The following MTA3 variants were observed in gnomAD, a reference collection of about 807,000 sequenced individuals.
The protein encoded by MTA3 is metastasis associated 1 family member 3.
A neutral mutation model predicts 83.5 loss-of-function variants in MTA3; 34 were observed. That is an observed-to-expected ratio of 0.41 (90% CI 0.31 to 0.54). The LOEUF is 0.54. MTA3 is among the 20% of genes least tolerant of loss of function. The probability of loss-of-function intolerance (pLI) is 0.33; values close to 1 mark genes in which losing one functional copy is unlikely to be tolerated. For missense variants in MTA3, 761 were observed against 726.4 expected (o/e 1.05, Z -0.55); for synonymous variants, 303 against 252.7 (o/e 1.20, Z -1.89).
At chr2:42,753,175 G>A (rs990252012) in intron 16 of MTA3, among the ~76,000 whole-genome samples, 199 bp from the exon 17 acceptor site, 7 of 151,910 alleles carry the variant, frequency 4.6e-5, no homozygotes, top group African/African-American at 1.2e-4. Context: ...GCCATCCACC[G>A]GCCTTGGCCT....
At chr2:42,650,463 G>A (rs984608220) in intron 6 of MTA3, among the ~76,000 whole-genome samples, 6 of 151,462 alleles carry the variant, frequency 4.0e-5, no homozygotes, top group Admixed American at 6.6e-5. Flanking sequence ...TTTTTGAGAC[G>A]GAGTCTTACT....
intron 4 of MTA3, among the ~76,000 whole-genome samples, chr2:42,612,951 A>C (rs1684405845): frequency 6.6e-6 from 1 of 152,220 alleles, no homozygotes; most frequent in Non-Finnish European, 1.5e-5. Context: ...AAATGGTTTT[A>C]AAAATGTATC....
At chr2:42,508,737 T>C (rs757305610) in intron 2 of MTA3, among the ~76,000 whole-genome samples, 17 of 147,198 alleles carry the variant, frequency 1.2e-4, no homozygotes, top group Non-Finnish European at 2.1e-4. Context: ...ATGTTGTATA[T>C]ATTTATAATA....
intron 16 of MTA3, among the ~76,000 whole-genome samples, chr2:42,751,071 G>C (rs1020984050): frequency 6.6e-6 from 1 of 152,126 alleles, no homozygotes; most frequent in Admixed American, 6.6e-5. Flanking sequence ...CTGCTTTCCA[G>C]CTTCTAAAAT....
At chr2:42,533,084 T>A in intron 2 of MTA3, 2 of 126,994 alleles carry the variant, frequency 1.6e-5, no homozygotes, top group South Asian at 5.1e-4. Context: ...TGGGGCATTC[T>A]TTTTTTTTTT....
chr2:42,620,119 C>CTT (rs765658192), intron 4 of MTA3, among the ~76,000 whole-genome samples: 184 of 134,870 alleles, frequency 1.4e-3, no homozygotes, highest in African/African-American at 4.3e-3. Context: ...CATCACACAT[C>CTT]TTTTTTTTTT....
chr2:42,675,513 C>G (rs1018230336), intron 8 of MTA3, among the ~76,000 whole-genome samples: 1 of 152,138 alleles, frequency 6.6e-6, no homozygotes, highest in African/African-American at 2.4e-5. Flanking sequence ...TGTTACACAG[C>G]TTAAACATTT....
At chr2:42,700,126 G>T (rs1240959720) in intron 11 of MTA3, among the ~76,000 whole-genome samples, 1 of 152,002 alleles carries the variant, frequency 6.6e-6, no homozygotes, top group African/African-American at 2.4e-5. Flanking sequence ...TATTGGCATG[G>T]TGAGCACTGC....
intron 16 of MTA3, among the ~76,000 whole-genome samples, chr2:42,744,269 T>A (rs1309973659): frequency 6.6e-6 from 1 of 152,198 alleles, no homozygotes; most frequent in Non-Finnish European, 1.5e-5. Context: ...CTTAGTGTTT[T>A]AGAATATTCT....
rs763023060 is a variant in MTA3 at position 42,574,134 on chromosome 2, C to CT, written c.96+3645dup. Among the ~76,000 whole-genome samples, 769 of 137,972 alleles carry CT rather than the reference C, an allele frequency of 5.6e-3. 8 individuals are homozygous for CT. Among genetic ancestry groups the CT allele is most frequent in the South Asian group, 0.02 (86 of 4,284 alleles). 90.5% of individuals were successfully genotyped at this position (137,972 alleles called of 152,430 possible). A position where few individuals can be genotyped will look rare whatever the true frequency, so the allele number is the denominator to read the frequency against. ...TACAGGTGTGAGCCACCGCGCCCGG[C>CT]TTTTTTTTTTTTTTTCTGAGGCGGA... On this transcript the variant is annotated intron_variant, in intron 2 of 16. Coordinates refer to ENST00000405094, the MANE Select transcript of MTA3 (RefSeq NM_001330442.2).
At chr2:42,697,132 A>T (rs373969868) in intron 10 of MTA3, among the ~76,000 whole-genome samples, 2 of 152,050 alleles carry the variant, frequency 1.3e-5, no homozygotes, top group Non-Finnish European at 2.9e-5. Flanking sequence ...TTACTTCTCT[A>T]TTTGCCTGCA....
At chr2:42,579,062 C>G (rs1434807022) in intron 2 of MTA3, 45 bp from the exon 3 acceptor site, 12 of 1,295,364 alleles carry the variant, frequency 9.3e-6, no homozygotes, top group Non-Finnish European at 1.3e-5. Context: ...AATTATTTGA[C>G]TCTAATATTC....
chr2:42,726,091 T>C (rs1262679698), intron 16 of MTA3, among the ~76,000 whole-genome samples: 1 of 152,224 alleles, frequency 6.6e-6, no homozygotes, highest in African/African-American at 2.4e-5. Context: ...CATCATATAC[T>C]GAAATAGATA....
chr2:42,628,488 C>T (rs1686345867), intron 4 of MTA3, among the ~76,000 whole-genome samples: 1 of 152,176 alleles, frequency 6.6e-6, no homozygotes, highest in African/African-American at 2.4e-5. Flanking sequence ...CCTGCCTCAG[C>T]CTCCCAAAGT....
Position 42,754,315 on chromosome 2 carries a change from G to C in MTA3, c.*916G>C. On this transcript the variant is annotated 3_prime_UTR_variant, in exon 17 of 17. Coordinates refer to ENST00000405094, the MANE Select transcript of MTA3 (RefSeq NM_001330442.2). ...AAGCAGACAGACTCTGTTTGGCCTA[G>C]AGGTGTGGAGTGAGAGAACTGTGTT... 2.2e-5 allele frequency: 22 copies of C among 985,462 alleles called. No homozygotes were observed. Among genetic ancestry groups the C allele is most frequent in the Non-Finnish European group, 2.4e-5 (20 of 829,952 alleles). 61.0% of individuals were successfully genotyped at this position (985,462 alleles called of 1,614,324 possible).
intron 4 of MTA3, among the ~76,000 whole-genome samples, chr2:42,622,139 C>G (rs1685627957): frequency 6.6e-6 from 1 of 152,200 alleles, no homozygotes; most frequent in Admixed American, 6.5e-5. Context: ...GAACCAGAGT[C>G]CGTCTGCAAT....
intron 4 of MTA3, among the ~76,000 whole-genome samples, chr2:42,629,629 C>G (rs1324355770): frequency 6.6e-6 from 1 of 151,964 alleles, no homozygotes; most frequent in Non-Finnish European, 1.5e-5. Flanking sequence ...GTTTTTAAGG[C>G]TTTTGGAGTG....
rs1487079629 is a variant in MTA3 at position 42,723,050 on chromosome 2, G to A, written c.1759+15G>A. 3 of 1,549,918 alleles carry A rather than the reference G, an allele frequency of 1.9e-6. No individual in the cohort carries two copies. The South Asian group carries it at 3.6e-5, about 18-fold the overall frequency. Reference sequence around the variant, plus strand: ...TGGTCTGGATGGTATGTAAGCCCAGGAATTCTGGAGGCTGTTCTGATAGAG... The same window carrying A: ...TGGTCTGGATGGTATGTAAGCCCAGAAATTCTGGAGGCTGTTCTGATAGAG... On this transcript the variant is annotated intron_variant, in intron 16 of 16. Transcript: ENST00000405094.
chr2:42,618,499 A>G (rs1354940336), intron 4 of MTA3, among the ~76,000 whole-genome samples: 1 of 152,254 alleles, frequency 6.6e-6, no homozygotes, highest in Non-Finnish European at 1.5e-5. Flanking sequence ...TAAAAACAAT[A>G]TAATTTATTG....
Sources: gnomAD v4.1 joint callset for allele counts (sites outside exome capture counted in the v4.1 genomes callset) on GRCh38, gnomAD v4.1.1 for gene constraint, MANE v1.5 for transcripts, NCBI Gene and HGNC (gene_info 2026-07-23, HGNC 2026-07-21) for gene names.